The following GPC6 variants were observed in gnomAD, a reference collection of about 807,000 sequenced individuals.
The protein encoded by GPC6 is glypican 6.
A neutral mutation model predicts 55.2 loss-of-function variants in GPC6; 14 were observed. The ratio of observed to expected loss-of-function variants is 0.25; its 90% CI spans 0.17 to 0.40. The LOEUF is 0.40. GPC6 is among the 10% of genes least tolerant of loss of function. GPC6 has a pLI of 1.00. For missense variants in GPC6, 641 were observed against 708.5 expected (o/e 0.90, Z 1.08); for synonymous variants, 278 against 259.6 (o/e 1.07, Z -0.68).
intron 2 of GPC6, among the ~76,000 whole-genome samples, chr13:93,789,616 T>C (rs367546092): frequency 0.029 from 905 of 31,024 alleles, 51 homozygotes; most frequent in African/African-American, 0.075. Context: ...TATATATATA[T>C]ATATATATAT....
chr13:93,462,585 G>C (rs1878732419), intron 1 of GPC6, among the ~76,000 whole-genome samples: 1 of 148,134 alleles, frequency 6.8e-6, no homozygotes, highest in Non-Finnish European at 1.5e-5. Context: ...GTGGATTCTA[G>C]CTTCTGTAAA....
chr13:93,777,977 G>C (rs1201056767), intron 2 of GPC6, among the ~76,000 whole-genome samples: 1 of 152,192 alleles, frequency 6.6e-6, no homozygotes. Context: ...CTCAGTGTAA[G>C]AGAGATCTTG....
chr13:93,653,433 G>A (rs1002134554), intron 2 of GPC6, among the ~76,000 whole-genome samples: 4 of 152,120 alleles, frequency 2.6e-5, no homozygotes, highest in South Asian at 2.1e-4. Context: ...GTATGTAAAT[G>A]AATCTCGGCT....
At position 93,422,093 on chromosome 13, in the gene GPC6, T is replaced by G. The variant is rs556704795; in HGVS notation, c.161-123170T>G. ...TGATACACTTCCACTTTGGGCTGCT[T>G]CCAGTTCCCGTCATTGCTTTGCCCA... On this transcript the variant is annotated intron_variant, in intron 1 of 8. Transcript: ENST00000377047. 1.2e-4 allele frequency among the ~76,000 whole-genome samples: 18 copies of G among 152,302 alleles called. No individual in the cohort carries two copies. The South Asian group carries it at 3.7e-3, about 32-fold the overall frequency.
intron 1 of GPC6, among the ~76,000 whole-genome samples, chr13:93,461,262 C>T (rs1878675326): frequency 1.3e-5 from 2 of 151,958 alleles, no homozygotes; most frequent in African/African-American, 4.8e-5. Context: ...TCAAGTAAGA[C>T]CTGAATTTAA....
At chr13:93,537,013 T>G (rs966528987) in intron 1 of GPC6, among the ~76,000 whole-genome samples, 1 of 152,200 alleles carries the variant, frequency 6.6e-6, no homozygotes, top group South Asian at 2.1e-4. Flanking sequence ...GAGAGTTAAC[T>G]GTTAAGCTGC....
At chr13:93,551,101 A>G (rs1444392546) in intron 2 of GPC6, among the ~76,000 whole-genome samples, 4 of 152,194 alleles carry the variant, frequency 2.6e-5, no homozygotes, top group African/African-American at 9.6e-5. Context: ...TCTTAAGATT[A>G]TGATAATTAA....
chr13:93,230,889 C>A (rs1178081975), intron 1 of GPC6, among the ~76,000 whole-genome samples: 2 of 152,006 alleles, frequency 1.3e-5, no homozygotes, highest in African/African-American at 4.8e-5. Context: ...TGTTTTATGC[C>A]TTGAGTCTTG....
chr13:94,056,165 A>C (rs200487199), intron 4 of GPC6, among the ~76,000 whole-genome samples: 2 of 152,058 alleles, frequency 1.3e-5, no homozygotes, highest in Non-Finnish European at 2.9e-5. Context: ...CTTCTTTCCC[A>C]CAGCCATTTC....
chr13:93,709,372 A>G (rs998501761), intron 2 of GPC6, among the ~76,000 whole-genome samples: 2 of 151,790 alleles, frequency 1.3e-5, no homozygotes, highest in South Asian at 2.1e-4. Flanking sequence ...GATTGAGAAC[A>G]TCTGGTTAAC....
intron 3 of GPC6, among the ~76,000 whole-genome samples, chr13:94,019,765 A>G (rs1172297487): frequency 2.0e-5 from 3 of 152,180 alleles, no homozygotes; most frequent in Admixed American, 1.3e-4. Context: ...CTCTGGATGG[A>G]CATGCATTTT....
intron 4 of GPC6, among the ~76,000 whole-genome samples, chr13:94,256,905 T>G (rs1891523843): frequency 6.6e-6 from 1 of 152,228 alleles, no homozygotes; most frequent in Non-Finnish European, 1.5e-5. Flanking sequence ...AATCACATAC[T>G]AAAAAGCACC....
At chr13:94,163,472 A>G (rs989599491) in intron 4 of GPC6, among the ~76,000 whole-genome samples, 1 of 152,180 alleles carries the variant, frequency 6.6e-6, no homozygotes, top group African/African-American at 2.4e-5. Flanking sequence ...CCAAAATACC[A>G]TCATCACATC....
At position 93,227,476 on chromosome 13, in the gene GPC6, C is replaced by A. The variant is rs1468618388; in HGVS notation, c.20C>A (p.Ala7Asp). The change falls in exon 1 of 9, where the codon GCT becomes GAT. Residue 7 changes from alanine (A) to aspartate (D), a missense_variant. By Grantham distance (126) the Ala-to-Asp change is moderately radical. Coordinates refer to ENST00000377047, the MANE Select transcript of GPC6 (RefSeq NM_005708.5). This position sits in a 1 kb window ranked among gnomAD's most constrained non-coding sequence, Gnocchi z 4.3. Reference protein sequence around the residue: MPSWIGAVILPLLGLLL... With the variant: MPSWIGDVILPLLGLLL... The stretch of plus-strand genomic sequence containing the variant: ...TGCACCATGCCTTCTTGGATCGGGG[C>A]TGTGATTCTTCCCCTCTTGGGGCTG... 6.6e-5 allele frequency: 106 copies of A among 1,613,886 alleles called. No homozygotes were observed. Among genetic ancestry groups the A allele is most frequent in the Non-Finnish European group, 8.9e-5 (105 of 1,179,832 alleles).
At chr13:93,512,944 A>T (rs986504503) in intron 1 of GPC6, among the ~76,000 whole-genome samples, 5 of 152,208 alleles carry the variant, frequency 3.3e-5, no homozygotes, top group African/African-American at 7.2e-5. Context: ...AATCAGATTT[A>T]AAAAGGCTAC....
At chr13:94,219,745 G>A (rs1219273262) in intron 4 of GPC6, among the ~76,000 whole-genome samples, 5 of 152,074 alleles carry the variant, frequency 3.3e-5, no homozygotes, top group Admixed American at 6.6e-5. Flanking sequence ...GTCTCGTTTC[G>A]GAAGGCAAGA....
At chr13:93,233,331 G>C (rs927066345) in intron 1 of GPC6, among the ~76,000 whole-genome samples, 1 of 142,070 alleles carries the variant, frequency 7.0e-6, no homozygotes, top group Non-Finnish European at 1.5e-5. Flanking sequence ...AAATGAATGT[G>C]CCAGTTAGTA....
At chr13:94,351,893 A>G (rs1299338028) in intron 6 of GPC6, among the ~76,000 whole-genome samples, 1 of 149,696 alleles carries the variant, frequency 6.7e-6, no homozygotes, top group East Asian at 2.1e-4. Flanking sequence ...CAGACTGGTA[A>G]TTAAACCACA....
At chr13:94,160,714 G>A (rs956235731) in intron 4 of GPC6, among the ~76,000 whole-genome samples, 1 of 152,198 alleles carries the variant, frequency 6.6e-6, no homozygotes, top group Non-Finnish European at 1.5e-5. Context: ...TCTTGGTCTG[G>A]ATCCTACAAG....
Sources: gnomAD v4.1 joint callset for allele counts (sites outside exome capture counted in the v4.1 genomes callset) on GRCh38, gnomAD v4.1.1 for gene constraint, Gnocchi (gnomAD v3.1) non-coding constraint, MANE v1.5 for transcripts, NCBI Gene and HGNC (gene_info 2026-07-23, HGNC 2026-07-21) for gene names.